The following KCMF1 variants were observed in gnomAD, a reference collection of about 807,000 sequenced individuals.
KCMF1 encodes potassium channel modulatory factor 1, also known as E3 ubiquitin-protein ligase KCMF1.
KCMF1 carries 3 observed loss-of-function variants against 41.1 expected under a neutral mutation model. The observed-to-expected ratio is 0.07, with a 90% CI of 0.03 to 0.19. KCMF1 has a LOEUF of 0.19. KCMF1 is among the 10% of genes least tolerant of loss of function. The pLI is 1.00. For missense variants in KCMF1, 286 were observed against 488.9 expected, an observed-to-expected ratio of 0.58 and a Z score of 3.91; for synonymous variants, 142 against 164.5, an observed-to-expected ratio of 0.86 and a Z score of 1.04.
At chr2:84,990,405 ACTT>A (rs1218421467) in intron 1 of KCMF1, among the ~76,000 whole-genome samples, 84 of 152,196 alleles carry the variant, frequency 5.5e-4, no homozygotes, top group East Asian at 1.9e-4. Context: ...GATAAGAGGA[ACTT>A]CTTCTCACTC....
chr2:84,984,152 AG>A (rs1045493961), intron 1 of KCMF1, among the ~76,000 whole-genome samples: 1 of 151,164 alleles, frequency 6.6e-6, no homozygotes, highest in Admixed American at 6.6e-5. Flanking sequence ...AGGCTGAGGA[AG>A]GAGGATTGTT....
intron 1 of KCMF1, among the ~76,000 whole-genome samples, chr2:85,003,555 G>T (rs1303899386): frequency 6.6e-6 from 1 of 151,742 alleles, no homozygotes; most frequent in Non-Finnish European, 1.5e-5. Context: ...TATTTTAACT[G>T]TTTGTTTTAT....
Position 85,034,932 on chromosome 2 carries a change from T to C in KCMF1, c.185-84T>C, listed in dbSNP as rs1166347019. ...CCACTGCTCCTGGCCCACACTTTCT[T>C]TTTTACATTATTGTATCGTACGATT... is the stretch of plus-strand genomic sequence containing the variant. On this transcript the variant is annotated intron_variant, in intron 2 of 6. Coordinates refer to ENST00000409785, the MANE Select transcript of KCMF1 (RefSeq NM_020122.5). The C allele has an allele frequency of 9.7e-6, 12 of 1,231,204 alleles. 1 individual carries two copies. Among genetic ancestry groups the C allele is most frequent in the Non-Finnish European group, 1.3e-5 (12 of 889,150 alleles). The allele number at this position is 1,231,204 out of a possible 1,614,324, so 76.3% of individuals were successfully genotyped here. A position where few individuals can be genotyped will look rare whatever the true frequency, so the allele number is the denominator to read the frequency against.
intron 1 of KCMF1, among the ~76,000 whole-genome samples, chr2:84,981,380 A>T (rs573101497): frequency 1.3e-5 from 2 of 152,066 alleles, no homozygotes; most frequent in East Asian, 3.9e-4. Context: ...TAGTAGAGAC[A>T]GGGTTTCACC....
chr2:84,972,022 C>T (rs1019093920), intron 1 of KCMF1: 1 of 152,256 alleles, frequency 6.6e-6, no homozygotes, highest in Admixed American at 6.5e-5. Flanking sequence ...GGCCAAGGGA[C>T]GGGAAGCCCT....
chr2:84,983,933 A>G (rs768186792), intron 1 of KCMF1, among the ~76,000 whole-genome samples: 12 of 152,222 alleles, frequency 7.9e-5, no homozygotes, highest in South Asian at 2.1e-4. Context: ...GTGAGTCCCT[A>G]TTCCCAGCCA....
intron 1 of KCMF1, among the ~76,000 whole-genome samples, chr2:85,017,799 G>A (rs983821714): frequency 6.6e-6 from 1 of 151,934 alleles, no homozygotes; most frequent in African/African-American, 2.4e-5. Context: ...ACCAACCTGA[G>A]ATTTTCTCCT....
intron 1 of KCMF1, among the ~76,000 whole-genome samples, chr2:85,001,518 G>T (rs534352034): frequency 1.8e-4 from 27 of 152,250 alleles, no homozygotes; most frequent in African/African-American, 5.1e-4. Flanking sequence ...ATGTCTGGTA[G>T]GAGGTTTAGA....
intron 2 of KCMF1, among the ~76,000 whole-genome samples, chr2:85,034,161 CGACA>C (rs1448472802): frequency 1.3e-5 from 2 of 151,998 alleles, no homozygotes; most frequent in Non-Finnish European, 2.9e-5. Flanking sequence ...CCAGCCTGTG[CGACA>C]GAGTAAGACC....
Position 85,053,364 on chromosome 2 carries a change from A to T in KCMF1, c.1101A>T (p.Leu367Phe). 6.2e-7 allele frequency: 1 copy of T among 1,613,522 alleles called. No individual in the cohort carries two copies. Among genetic ancestry groups the T allele is most frequent in the African/African-American group, 1.3e-5 (1 of 75,006 alleles). ...ATGTTGCTTTAGAAAACCTAAATTT[A>T]AAAGAGAGTAATAAAGGAAATGAGC... ...PLDVALENLN[L>F]KESNKGNEPP... The change falls in exon 7 of 7, where the codon TTA becomes TTT. Residue 367 changes from leucine to phenylalanine, a missense_variant. By Grantham distance (22) the Leu-to-Phe change is conservative (BLOSUM62 0). Coordinates refer to ENST00000409785, the MANE Select transcript of KCMF1 (RefSeq NM_020122.5).
Position 85,035,147 on chromosome 2 carries a change from A to G in KCMF1, c.316A>G (p.Thr106Ala), listed in dbSNP as rs1378297993. Residue 106 changes from threonine to alanine, a missense_variant, in exon 3 of 7, where the codon ACA becomes GCA. Thr to Ala is a moderately conservative substitution (Grantham distance 58). Coordinates refer to ENST00000409785, the MANE Select transcript of KCMF1 (RefSeq NM_020122.5). ...HVTSEHAETS[T>A]EVICPICAAL... ...TACTTCTGAACATGCAGAAACATCAACAGAAGTGGTAAGTGAAGCAGCAAC... is the reference window on the plus strand; with the variant it reads ...TACTTCTGAACATGCAGAAACATCAGCAGAAGTGGTAAGTGAAGCAGCAAC... 2.5e-6 allele frequency: 4 copies of G among 1,612,220 alleles called. 1 individual carries two copies. The South Asian group carries it at 3.3e-5, about 13-fold the overall frequency.
chr2:85,009,423 C>A (rs1020032941), intron 1 of KCMF1, among the ~76,000 whole-genome samples: 3 of 152,192 alleles, frequency 2.0e-5, no homozygotes, highest in Admixed American at 1.3e-4. Context: ...TGGACTAATA[C>A]AGGAAATTGG....
chr2:85,025,361 T>C (rs1675072427), intron 1 of KCMF1, among the ~76,000 whole-genome samples: 1 of 152,224 alleles, frequency 6.6e-6, no homozygotes, highest in Non-Finnish European at 1.5e-5. Context: ...TTTATTGCAG[T>C]AAAATATACA....
chr2:85,028,531 C>T (rs1465409831), intron 2 of KCMF1, among the ~76,000 whole-genome samples: 1 of 120,926 alleles, frequency 8.3e-6, no homozygotes, highest in Non-Finnish European at 1.6e-5. Flanking sequence ...ACCCTGTCGC[C>T]TAGGCTGGAG....
rs550577168 is a variant in KCMF1 at position 85,028,448 on chromosome 2, G to T, written c.184+392G>T. On this transcript the variant is annotated intron_variant, in intron 2 of 6. Coordinates refer to ENST00000409785, the MANE Select transcript of KCMF1 (RefSeq NM_020122.5). ...AATCTGCCCGACTCAGCCGCCCAAA[G>T]TGCTGGGATTATAGGCGTGAGCCAC... Among the ~76,000 whole-genome samples the T allele has an allele frequency of 2.8e-5, 4 of 141,860 alleles. No individual in the cohort carries two copies. The East Asian group carries it at 8.6e-4, about 31-fold the overall frequency. 93.1% of individuals were successfully genotyped at this position (141,860 alleles called of 152,430 possible). A position where few individuals can be genotyped will look rare whatever the true frequency, so the allele number is the denominator to read the frequency against.
Position 85,054,028 on chromosome 2 carries a change from T to A in KCMF1, c.*619T>A, listed in dbSNP as rs1219620627. ...GCCGGGTGTGGCACTCCGCCCTGTG[T>A]GACTGTCCTGTCGCCCTGTTAGTCA... On this transcript the variant is annotated 3_prime_UTR_variant, in exon 7 of 7. Transcript: ENST00000409785. 1 of 152,464 alleles carries A rather than the reference T, an allele frequency of 6.6e-6. No homozygotes were observed. The highest frequency in any genetic ancestry group is 2.4e-5 in the African/African-American group (1 of 41,450). The allele number at this position is 152,464 out of a possible 1,614,324, so 9.4% of individuals were successfully genotyped here.
intron 2 of KCMF1, among the ~76,000 whole-genome samples, chr2:85,033,745 G>A (rs1051389832): frequency 1.3e-5 from 2 of 152,170 alleles, no homozygotes; most frequent in Admixed American, 6.5e-5. Flanking sequence ...CACAGCATGA[G>A]CTTTGGTGGG....
At chr2:84,978,334 T>C (rs1236135275) in intron 1 of KCMF1, among the ~76,000 whole-genome samples, 1 of 152,168 alleles carries the variant, frequency 6.6e-6, no homozygotes, top group African/African-American at 2.4e-5. Flanking sequence ...TTTTTCACAG[T>C]AGCAGCTTAT....
intron 2 of KCMF1, 99 bp downstream of exon 2, chr2:85,028,155 T>TA: frequency 2.9e-6 from 2 of 689,472 alleles, no homozygotes; most frequent in Non-Finnish European, 4.8e-6. Flanking sequence ...CAGCATACCA[T>TA]AAGCCCCAAA....
Sources: gnomAD v4.1 joint callset for allele counts (sites outside exome capture counted in the v4.1 genomes callset) on GRCh38, gnomAD v4.1.1 for gene constraint, MANE v1.5 for transcripts, NCBI Gene and HGNC (gene_info 2026-07-23, HGNC 2026-07-21) for gene names.